Variants in DTNA observed in about 807,000 individuals in gnomAD.
DTNA encodes the protein dystrobrevin alpha.
In DTNA, 43 loss-of-function variants were observed where a neutral mutation model predicts 100.7. The observed-to-expected ratio is 0.43, with a 90% CI of 0.33 to 0.55. The LOEUF (loss-of-function observed/expected upper bound fraction) is 0.55. DTNA is among the 20% of genes least tolerant of loss of function. The pLI, the probability that DTNA is intolerant of heterozygous loss-of-function variation, is 0.04. For synonymous variants in DTNA, 349 were observed against 347.9 expected (o/e 1.00, Z -0.04); for missense variants, 798 against 953.9 (o/e 0.84, Z 2.15).
chr18:34,816,396 G>A (rs1296205082), intron 7 of DTNA, among the ~76,000 whole-genome samples: 2 of 152,062 alleles, frequency 1.3e-5, no homozygotes, highest in Admixed American at 1.3e-4. Flanking sequence ...AGAAATAGGT[G>A]GGAGAAATGA....
chr18:34,540,184 T>C (rs1435677489), intron 1 of DTNA, among the ~76,000 whole-genome samples: 1 of 151,972 alleles, frequency 6.6e-6, no homozygotes, highest in Non-Finnish European at 1.5e-5. Flanking sequence ...TGCCTATATT[T>C]TCACTTACTT....
intron 1 of DTNA, among the ~76,000 whole-genome samples, chr18:34,566,962 T>C (rs1353856829): frequency 6.6e-6 from 1 of 152,240 alleles, no homozygotes; most frequent in Non-Finnish European, 1.5e-5. Flanking sequence ...GGTTAATAAC[T>C]GAAATACCCG....
intron 1 of DTNA, among the ~76,000 whole-genome samples, chr18:34,576,953 A>G (rs2048170577): frequency 6.6e-6 from 1 of 152,152 alleles, no homozygotes; most frequent in Non-Finnish European, 1.5e-5. Flanking sequence ...ACAGCCTTAG[A>G]GATACAACTT....
chr18:34,806,365 T>C, intron 5 of DTNA, 61 bp downstream of exon 5: 1 of 1,387,184 alleles, frequency 7.2e-7, no homozygotes, highest in African/African-American at 1.4e-5. Context: ...CCCTTTTCTC[T>C]CCCTCATTCC....
rs765093713 is a variant in DTNA, at chr18:34,890,363, GTGT to G, written c.*2631_*2633del. ...TCCTGTAAGCGAGACAAAATGGCGT[GTGT>G]TATTTTGGGGTTTTGTGTTTTTTGG... On this transcript the variant is annotated 3_prime_UTR_variant, in exon 23 of 23. Coordinates refer to ENST00000444659, the MANE Select transcript of DTNA (RefSeq NM_001386795.1). 3.3e-6 allele frequency: 5 copies of G among 1,536,024 alleles called. No homozygotes were observed. In the African/African-American group the frequency reaches 6.8e-5, roughly 21 times the overall value.
chr18:34,676,376 C>G (rs564476638), intron 1 of DTNA, among the ~76,000 whole-genome samples: 5 of 152,292 alleles, frequency 3.3e-5, no homozygotes, highest in African/African-American at 1.2e-4. Flanking sequence ...TGGTAAGACA[C>G]TGGTTCCTAG....
intron 1 of DTNA, among the ~76,000 whole-genome samples, chr18:34,663,454 C>T (rs895088171): frequency 6.6e-6 from 1 of 152,138 alleles, no homozygotes; most frequent in Non-Finnish European, 1.5e-5. Flanking sequence ...CATGAGCCAC[C>T]GTGCCTAGCC....
At position 34,574,307 on chromosome 18, in the gene DTNA, G is replaced by C. The variant is rs17734816; in HGVS notation, c.-2+80793G>C. On this transcript the variant is annotated intron_variant, in intron 1 of 19. Transcript: ENST00000283365. ...TTGATCTGAGACTCCAAGGCCAAAT[G>C]GTACCATACCTCTTGGCCAGCCTCT... The C allele has an allele frequency of 1.3e-3, 191 of 152,720 alleles. 6 individuals carry two copies. The East Asian group carries it at 0.03, about 24-fold the overall frequency. 9.5% of individuals were successfully genotyped at this position (152,720 alleles called of 1,614,324 possible).
At chr18:34,548,379 A>C in intron 1 of DTNA, among the ~76,000 whole-genome samples, 1 of 152,078 alleles carries the variant, frequency 6.6e-6, no homozygotes, top group East Asian at 1.9e-4. Flanking sequence ...AGAGAGCCTA[A>C]AGATTGACAG....
chr18:34,781,450 T>C (rs1436237791), intron 3 of DTNA, among the ~76,000 whole-genome samples: 1 of 152,218 alleles, frequency 6.6e-6, no homozygotes, highest in African/African-American at 2.4e-5. Context: ...TTAACTTTAG[T>C]CACCATGCTG....
At chr18:34,782,033 G>A (rs1339381356) in intron 3 of DTNA, among the ~76,000 whole-genome samples, 1 of 152,202 alleles carries the variant, frequency 6.6e-6, no homozygotes, top group African/African-American at 2.4e-5. Flanking sequence ...TAAGAAATAA[G>A]AAAGGTTCTG....
At chr18:34,824,332 C>T (rs541014066) in intron 9 of DTNA, among the ~76,000 whole-genome samples, 3 of 152,132 alleles carry the variant, frequency 2.0e-5, no homozygotes, top group South Asian at 2.1e-4. Flanking sequence ...AAAAAATAGC[C>T]GGGCGTGGTG....
intron 1 of DTNA, among the ~76,000 whole-genome samples, chr18:34,499,672 A>G (rs951617189): frequency 1.3e-5 from 2 of 152,148 alleles, no homozygotes; most frequent in African/African-American, 4.8e-5. Context: ...AGCCATTCTG[A>G]TAGGTGTGTA....
At chr18:34,728,112 G>A (rs2087166130) in intron 1 of DTNA, among the ~76,000 whole-genome samples, 1 of 152,168 alleles carries the variant, frequency 6.6e-6, no homozygotes, top group Admixed American at 6.5e-5. Flanking sequence ...TAAGTTAAAA[G>A]TGAGAATTTG....
intron 1 of DTNA, among the ~76,000 whole-genome samples, chr18:34,731,602 T>C (rs1173540220): frequency 6.6e-6 from 1 of 152,252 alleles, no homozygotes; most frequent in Admixed American, 6.5e-5. Flanking sequence ...TGATTCTGTA[T>C]TGGGTAGCCA....
chr18:34,890,453 C>G lies in DTNA; in HGVS notation c.*2719C>G. On this transcript the variant is annotated 3_prime_UTR_variant, in exon 23 of 23. Coordinates refer to ENST00000444659, the MANE Select transcript of DTNA (RefSeq NM_001386795.1). ...GGGCCTGTTCTAAGTGCAAACCCAG[C>G]AAGTTTCACTTGTCCTGTCCATTAG... 6.5e-7 allele frequency: 1 copy of G among 1,536,118 alleles called. No homozygotes were observed. Among genetic ancestry groups the G allele is most frequent in the Non-Finnish European group, 8.7e-7 (1 of 1,146,898 alleles).
chr18:34,528,126 A>T (rs2042807055), intron 1 of DTNA, among the ~76,000 whole-genome samples: 1 of 152,258 alleles, frequency 6.6e-6, no homozygotes, highest in South Asian at 2.1e-4. Context: ...TTTCTAATAC[A>T]TGGCTTCTGT....
At chr18:34,877,627 T>G in intron 18 of DTNA, 92 bp from the exon 19 acceptor site, 1 of 1,147,536 alleles carries the variant, frequency 8.7e-7, no homozygotes, top group Non-Finnish European at 1.3e-6. Context: ...TTTTCTTGCT[T>G]TAGGTTATTA....
chr18:34,886,602 AT>A (rs2150479329), intron 22 of DTNA, among the ~76,000 whole-genome samples: 1 of 152,356 alleles, frequency 6.6e-6, no homozygotes, highest in South Asian at 2.1e-4. Context: ...AAAAAGTGGA[AT>A]TTGGTACCTA....
Sources: gnomAD v4.1 joint callset for allele counts (sites outside exome capture counted in the v4.1 genomes callset) on GRCh38, gnomAD v4.1.1 for gene constraint, MANE v1.5 for transcripts, NCBI Gene and HGNC (gene_info 2026-07-23, HGNC 2026-07-21) for gene names.